The following CELSR1 variants were observed in gnomAD, a reference collection of about 807,000 sequenced individuals.
CELSR1 encodes cadherin EGF LAG seven-pass G-type receptor 1, also known as adhesion G protein-coupled receptor C1.
Under a neutral mutation model 249.1 loss-of-function variants are expected in CELSR1, and 110 were observed. The observed-to-expected ratio is 0.44, with a 90% CI of 0.38 to 0.52. The LOEUF (loss-of-function observed/expected upper bound fraction) is 0.52. Among genes scored for constraint, CELSR1 ranks in the 20% least tolerant of loss-of-function variants. The pLI, the probability that CELSR1 is intolerant of heterozygous loss-of-function variation, is 0.00. For synonymous variants in CELSR1, 2,113 were observed against 1,900.0 expected (o/e 1.11, Z -2.92); for missense variants, 4,109 against 4,296.4 (o/e 0.96, Z 1.22).
At position 46,464,177 on chromosome 22, in the gene CELSR1, G is replaced by C; in HGVS notation, c.3713C>G (p.Thr1238Ser). 5 of 1,613,732 alleles carry C rather than the reference G, an allele frequency of 3.1e-6. No homozygotes were observed. The highest frequency in any genetic ancestry group is 4.2e-6 in the Non-Finnish European group (5 of 1,180,030). ...GTTGAAGACGAAGACGTCGTCCTTG[G>C]TGGTGGACAGCACGGCGGCCACCCC... Reference protein sequence around the residue: ...VEGVAAVLSTTKDDVFVFNVQ... With the variant: ...VEGVAAVLSTSKDDVFVFNVQ... Residue 1238 changes from threonine to serine, a missense_variant, in exon 2 of 35, where the codon ACC becomes AGC. Physicochemically the swap from Thr to Ser is moderately conservative, Grantham distance 58. Around this residue, in one of 7 missense-constraint regions of CELSR1, gnomAD observed 141 missense variants for 209.4 expected, o/e 0.67. Transcript: ENST00000674500. This position sits in a 1 kb window ranked among gnomAD's most constrained non-coding sequence, Gnocchi z 8.5.
chr22:46,467,328 G>A (rs1357815227), intron 1 of CELSR1, among the ~76,000 whole-genome samples: 1 of 152,024 alleles, frequency 6.6e-6, no homozygotes, highest in Non-Finnish European at 1.5e-5. Context: ...CAAAGACAAA[G>A]AAACCACCTA....
In CELSR1 at chr22:46,533,718, C is replaced by T; in HGVS notation, c.3453G>A (p.Leu1151=). ...TFVQGNELRL[L]LLDPATGELQ... ...GTTCGCCCGTGGCGGGGTCCAGCAG[C>T]AACAGGCGCAGCTCGTTGCCCTGCA... Residue 1151 remains leucine (L), a synonymous_variant, in exon 1 of 35, where the codon TTG becomes TTA. Transcript: ENST00000674500. The T allele has an allele frequency of 6.2e-7, 1 of 1,612,856 alleles. No homozygotes were observed. Among genetic ancestry groups the T allele is most frequent in the Admixed American group, 1.7e-5 (1 of 60,020 alleles).
chr22:46,365,539 G>C, intron 31 of CELSR1, 47 bp downstream of exon 31: 1 of 1,550,258 alleles, frequency 6.5e-7, no homozygotes, highest in Non-Finnish European at 8.7e-7. Flanking sequence ...CCGAAGGGAC[G>C]TGGGAAAAAC....
Position 46,398,403 on chromosome 22 carries a change from G to C in CELSR1, c.5526+121C>G, listed in dbSNP as rs1349661364. On this transcript the variant is annotated intron_variant, in intron 11 of 34. Transcript: ENST00000674500. This position sits in a 1 kb window ranked among gnomAD's most constrained non-coding sequence, Gnocchi z 7.2. ...GCTGTTAAAGTGGGGATGCCTGTCA[G>C]ACAAATTCTTCACTCGTTGAAAGCT... 1.5e-6 allele frequency: 1 copy of C among 659,318 alleles called. No individual in the cohort carries two copies. Among genetic ancestry groups the C allele is most frequent in the African/African-American group, 1.8e-5 (1 of 54,080 alleles). The allele number at this position is 659,318 out of a possible 1,614,324, so 40.8% of individuals were successfully genotyped here.
Position 46,409,480 on chromosome 22 carries a change from C to T in CELSR1, c.5059+275G>A, listed in dbSNP as rs1364939459. On this transcript the variant is annotated intron_variant, in intron 8 of 34. Coordinates refer to ENST00000674500, the MANE Select transcript of CELSR1 (RefSeq NM_001378328.1). This position sits in a 1 kb window ranked among gnomAD's most constrained non-coding sequence, Gnocchi z 9.8. Reference sequence around the variant, plus strand: ...CGGGGGCGGGTTCAGGATCCCTGGGCTCCGTGGCTGGGGTGCTGGGGCTGG... The same window carrying T: ...CGGGGGCGGGTTCAGGATCCCTGGGTTCCGTGGCTGGGGTGCTGGGGCTGG... Among the ~76,000 whole-genome samples, 2 of 152,140 alleles carry T rather than the reference C, an allele frequency of 1.3e-5. No homozygotes were observed.
rs933038927 is a variant in CELSR1, at chr22:46,393,005, C to G, written c.5964+1137G>C. Reference sequence around the variant, plus strand: ...CCCAGGAGAGCTGTTTAATTTGAGCCTTTCAGGACACAAGTCCCATTTGCT... The same window carrying G: ...CCCAGGAGAGCTGTTTAATTTGAGCGTTTCAGGACACAAGTCCCATTTGCT... On this transcript the variant is annotated intron_variant, in intron 14 of 34. Coordinates refer to ENST00000674500, the MANE Select transcript of CELSR1 (RefSeq NM_001378328.1). This position sits in a 1 kb window ranked among gnomAD's most constrained non-coding sequence, Gnocchi z 4.1. 2.0e-5 allele frequency among the ~76,000 whole-genome samples: 3 copies of G among 152,188 alleles called. No individual in the cohort carries two copies. Among genetic ancestry groups the G allele is most frequent in the African/African-American group, 7.2e-5 (3 of 41,444 alleles).
chr22:46,417,567 G>A lies in CELSR1; in HGVS notation c.4612-5808C>T, dbSNP rs950547407. ...CGTCTGGAAGCCCAACTGAGCCACT[G>A]GGCCACCGGGTGGGGAGGGCAGCTC... On this transcript the variant is annotated intron_variant, in intron 5 of 34. Transcript: ENST00000674500. The surrounding 1 kb of genome is among the most constrained non-coding windows in gnomAD (Gnocchi z 4.1). 1.3e-5 allele frequency among the ~76,000 whole-genome samples: 2 copies of A among 152,194 alleles called. No individual in the cohort carries two copies. The highest frequency in any genetic ancestry group is 2.9e-5 in the Non-Finnish European group (2 of 68,040).
At chr22:46,379,845 T>C (rs1414654220) in intron 22 of CELSR1, among the ~76,000 whole-genome samples, 1 of 152,050 alleles carries the variant, frequency 6.6e-6, no homozygotes, top group East Asian at 1.9e-4. Flanking sequence ...TTCCCGGCAC[T>C]CCCTCCCGGT....
intron 1 of CELSR1, among the ~76,000 whole-genome samples, chr22:46,510,542 A>G (rs112238178): frequency 0.022 from 3,387 of 152,302 alleles, 125 homozygotes; most frequent in African/African-American, 0.078. Flanking sequence ...TGCCAACAGG[A>G]GAGGCGCTGC....
rs181181562 is a variant in CELSR1, at chr22:46,426,150, G to A, written c.4611+7243C>T. On this transcript the variant is annotated intron_variant, in intron 5 of 34. Transcript: ENST00000674500. ...AGGCTGGGGAGGGCGCAGCCGGGGA[G>A]GGGGCTGAGTGAAGCTGCAGCCTGG... is the stretch of plus-strand genomic sequence containing the variant. Among the ~76,000 whole-genome samples the A allele has an allele frequency of 1.3e-3, 203 of 152,266 alleles. 1 individual carries two copies. The highest frequency in any genetic ancestry group is 4.5e-3 in the African/African-American group (187 of 41,544).
intron 17 of CELSR1, 126 bp from the exon 18 acceptor site, chr22:46,389,625 C>A: frequency 9.3e-7 from 1 of 1,075,860 alleles, no homozygotes; most frequent in Non-Finnish European, 1.4e-6. Flanking sequence ...TTAAAAAATC[C>A]AAAAGCCTGG....
At chr22:46,383,382 A>T (rs1272560437) in intron 20 of CELSR1, among the ~76,000 whole-genome samples, 3 of 152,246 alleles carry the variant, frequency 2.0e-5, no homozygotes, top group Non-Finnish European at 4.4e-5. Context: ...ACCTTAAGAA[A>T]ATTCAAAATG....
intron 5 of CELSR1, among the ~76,000 whole-genome samples, chr22:46,425,829 T>C (rs548195022): frequency 2.6e-5 from 4 of 152,346 alleles, no homozygotes; most frequent in South Asian, 4.1e-4. Flanking sequence ...GGGTTTATTT[T>C]GTTCTTATTC....
rs777808982 is a variant in CELSR1 at position 46,535,251 on chromosome 22, T to G, written c.1920A>C (p.Thr640=). The change falls in exon 1 of 35, where the codon ACA becomes ACC. Residue 640 remains threonine (T), a synonymous_variant. Transcript: ENST00000674500. ...FQIHNSSGWI[T]VCAELDREEV... is the part of the protein sequence containing the mutation. ...CCTCGCGGTCCAGCTCGGCACACAC[T>G]GTGATCCAACCGGAGCTGTTGTGGA... is the stretch of plus-strand genomic sequence containing the variant. The G allele has an allele frequency of 6.2e-7, 1 of 1,609,948 alleles. No homozygotes were observed. The highest frequency in any genetic ancestry group is 2.2e-5 in the East Asian group (1 of 44,852).
At chr22:46,494,407 A>G (rs959784642) in intron 1 of CELSR1, among the ~76,000 whole-genome samples, 6 of 152,216 alleles carry the variant, frequency 3.9e-5, no homozygotes, top group African/African-American at 1.4e-4. Context: ...ACTGCACTGA[A>G]TCTACAGACC....
In CELSR1 at chr22:46,381,707, G is replaced by C; in HGVS notation, c.7088+139C>G. 1 of 789,052 alleles carries C rather than the reference G, an allele frequency of 1.3e-6. No homozygotes were observed. The highest frequency in any genetic ancestry group is 2.0e-6 in the Non-Finnish European group (1 of 504,440). 48.9% of individuals were successfully genotyped at this position (789,052 alleles called of 1,614,324 possible). A position where few individuals can be genotyped will look rare whatever the true frequency, so the allele number is the denominator to read the frequency against. On this transcript the variant is annotated intron_variant, in intron 21 of 34. Coordinates refer to ENST00000674500, the MANE Select transcript of CELSR1 (RefSeq NM_001378328.1). This position sits in a 1 kb window ranked among gnomAD's most constrained non-coding sequence, Gnocchi z 6.0. ...CTCCAAGGACCACCACAAGGCAATGGTCTCTGTCTCTGGGCCAGGGTCACG... is the reference window on the plus strand; with the variant it reads ...CTCCAAGGACCACCACAAGGCAATGCTCTCTGTCTCTGGGCCAGGGTCACG...
chr22:46,476,116 T>C (rs760455355), intron 1 of CELSR1, among the ~76,000 whole-genome samples: 6 of 152,102 alleles, frequency 3.9e-5, no homozygotes, highest in Admixed American at 6.5e-5. Context: ...AATTAACACA[T>C]GACCCAGAAT....
At position 46,380,732 on chromosome 22, in the gene CELSR1, C is replaced by CG; in HGVS notation, c.7256+55dup. The CG allele has an allele frequency of 6.3e-7, 1 of 1,586,144 alleles. No individual in the cohort carries two copies. The highest frequency in any genetic ancestry group is 8.6e-7 in the Non-Finnish European group (1 of 1,164,534). ...CTCTGCCACTGAGCCCCCGACCCTGCGGGGGCACTCTGCCTTGGCAAAGCC... is the reference window on the plus strand; with the variant it reads ...CTCTGCCACTGAGCCCCCGACCCTGCGGGGGGCACTCTGCCTTGGCAAAGCC... On this transcript the variant is annotated intron_variant, in intron 22 of 34. Coordinates refer to ENST00000674500, the MANE Select transcript of CELSR1 (RefSeq NM_001378328.1). This position sits in a 1 kb window ranked among gnomAD's most constrained non-coding sequence, Gnocchi z 5.1.
intron 1 of CELSR1, among the ~76,000 whole-genome samples, chr22:46,469,547 G>A (rs897052150): frequency 2.0e-5 from 3 of 151,944 alleles, no homozygotes; most frequent in East Asian, 3.9e-4. Context: ...ATGGAGTCTC[G>A]CTCTGTTGCC....
Sources: allele counts gnomAD v4.1 joint callset (sites outside exome capture counted in the v4.1 genomes callset), GRCh38; gene constraint gnomAD v4.1.1; regional missense constraint gnomAD v4.1.1; non-coding constraint Gnocchi (gnomAD v3.1); transcripts MANE v1.5; gene names NCBI Gene and HGNC (gene_info 2026-07-23, HGNC 2026-07-21).